The following PTGFRN variants were observed in gnomAD, a reference collection of about 807,000 sequenced individuals.
The protein encoded by PTGFRN is prostaglandin F2 receptor negative regulator.
Under a neutral mutation model 83.2 loss-of-function variants are expected in PTGFRN, and 35 were observed. That is an observed-to-expected ratio of 0.42 (90% CI 0.32 to 0.56). The LOEUF (loss-of-function observed/expected upper bound fraction) is 0.56. Among genes scored for constraint, PTGFRN ranks in the 20% least tolerant of loss-of-function variants. The pLI is 0.11. For missense variants in PTGFRN, 1,051 were observed against 1,179.5 expected, an observed-to-expected ratio of 0.89 and a Z score of 1.60; for synonymous variants, 519 against 498.6, an observed-to-expected ratio of 1.04 and a Z score of -0.55.
intron 1 of PTGFRN, among the ~76,000 whole-genome samples, chr1:116,912,705 G>A (rs1359498214): frequency 6.6e-6 from 1 of 152,088 alleles, no homozygotes; most frequent in African/African-American, 2.4e-5. Context: ...TGTTCTCACT[G>A]TGTCCTTATG....
At chr1:116,920,168 C>T (rs1260553135) in intron 1 of PTGFRN, among the ~76,000 whole-genome samples, 1 of 152,230 alleles carries the variant, frequency 6.6e-6, no homozygotes, top group East Asian at 1.9e-4. Flanking sequence ...TTGTTCGGTC[C>T]TTGTGTAGGC....
chr1:116,944,724 C>CGAGCCT lies in PTGFRN; in HGVS notation c.472_477dup (p.Ser158_Leu159dup), dbSNP rs765593603. On this transcript the variant is annotated inframe_insertion, in exon 3 of 9. Transcript: ENST00000393203. Reference sequence around the variant, plus strand: ...GTGGGCCCCAGCGCGCGGCCCCCGCCGAGCCTGAGCCTGCGGGAGGGGGAG... The same window carrying CGAGCCT: ...GTGGGCCCCAGCGCGCGGCCCCCGCCGAGCCTGAGCCTGAGCCTGCGGGAGGGGGAG... 3.4e-6 allele frequency: 5 copies of CGAGCCT among 1,460,680 alleles called. No individual in the cohort carries two copies. The highest frequency in any genetic ancestry group is 5.5e-5 in the Admixed American group (2 of 36,100). 90.5% of individuals were successfully genotyped at this position (1,460,680 alleles called of 1,614,324 possible).
At chr1:116,925,966 A>C (rs1649647994) in intron 1 of PTGFRN, among the ~76,000 whole-genome samples, 1 of 152,218 alleles carries the variant, frequency 6.6e-6, no homozygotes, top group South Asian at 2.1e-4. Context: ...CAAACTGTTA[A>C]ACAACACTGT....
intron 2 of PTGFRN, among the ~76,000 whole-genome samples, chr1:116,944,450 G>C (rs1557964189): frequency 6.6e-6 from 1 of 152,312 alleles, no homozygotes; most frequent in East Asian, 1.9e-4. Flanking sequence ...CCCACAGGGA[G>C]TTTTTACCAC....
At chr1:116,946,527 G>A (rs1002801630) in intron 3 of PTGFRN, among the ~76,000 whole-genome samples, 4 of 152,160 alleles carry the variant, frequency 2.6e-5, no homozygotes, top group African/African-American at 9.7e-5. Context: ...GAAAGTTTAC[G>A]CTTTTTTGGA....
At chr1:116,937,001 G>T (rs1649937278) in intron 1 of PTGFRN, among the ~76,000 whole-genome samples, 1 of 152,184 alleles carries the variant, frequency 6.6e-6, no homozygotes, top group African/African-American at 2.4e-5. Context: ...AGAAAATTTG[G>T]CAGGAGCAAG....
chr1:116,976,365 A>T (rs890684856), intron 7 of PTGFRN, among the ~76,000 whole-genome samples: 4 of 152,190 alleles, frequency 2.6e-5, no homozygotes, highest in Non-Finnish European at 4.4e-5. Context: ...TTCAGGAAAT[A>T]CAGAGAACGC....
rs970469950 is a variant in PTGFRN at position 116,920,740 on chromosome 1, C to T, written c.49+10488C>T. Among the ~76,000 whole-genome samples the T allele has an allele frequency of 2.0e-5, 3 of 152,150 alleles. No individual in the cohort carries two copies. In the East Asian group the frequency reaches 5.8e-4, roughly 29 times the overall value. Reference sequence around the variant, plus strand: ...CCGGGTTCAAGCAATTCTCATGCCTCGGCCACCCAAGTAGCTGAAATTACA... The same window carrying T: ...CCGGGTTCAAGCAATTCTCATGCCTTGGCCACCCAAGTAGCTGAAATTACA... On this transcript the variant is annotated intron_variant, in intron 1 of 8. Transcript: ENST00000393203.
At chr1:116,911,377 C>T (rs1443310813) in intron 1 of PTGFRN, among the ~76,000 whole-genome samples, 1 of 152,208 alleles carries the variant, frequency 6.6e-6, no homozygotes, top group Non-Finnish European at 1.5e-5. Context: ...CACTTATGGT[C>T]AGAGGGTTCC....
Position 116,941,289 on chromosome 1 carries a change from A to G in PTGFRN, c.50-426A>G, listed in dbSNP as rs762847756. Among the ~76,000 whole-genome samples, 1 of 152,226 alleles carries G rather than the reference A, an allele frequency of 6.6e-6. No homozygotes were observed. The highest frequency in any genetic ancestry group is 2.4e-5 in the African/African-American group (1 of 41,460). On this transcript the variant is annotated intron_variant, in intron 1 of 8. Transcript: ENST00000393203. This position sits in a 1 kb window ranked among gnomAD's most constrained non-coding sequence, Gnocchi z 5.0. The stretch of plus-strand genomic sequence containing the variant: ...TTGTAAATCAGGTCTCAGGAGCCCC[A>G]GGGAATGGTCTCTAGGGATGAGGGC...
chr1:116,947,635 C>T (rs2101067183), intron 3 of PTGFRN, among the ~76,000 whole-genome samples: 1 of 152,306 alleles, frequency 6.6e-6, no homozygotes, highest in African/African-American at 2.4e-5. Flanking sequence ...TTGTTAAGTA[C>T]TTCGTCACTG....
chr1:116,963,642 C>G (rs762874630), intron 5 of PTGFRN, among the ~76,000 whole-genome samples: 2 of 152,126 alleles, frequency 1.3e-5, no homozygotes, highest in Non-Finnish European at 2.9e-5. Context: ...GTGTCTCACT[C>G]TGTTGCCCAG....
At chr1:116,954,728 C>G (rs1444657622) in intron 4 of PTGFRN, among the ~76,000 whole-genome samples, 2 of 152,082 alleles carry the variant, frequency 1.3e-5, no homozygotes. Flanking sequence ...CAAAGCCTGT[C>G]CTATAATTCT....
intron 8 of PTGFRN, among the ~76,000 whole-genome samples, chr1:116,986,361 T>C (rs1008679819): frequency 1.3e-5 from 2 of 152,240 alleles, no homozygotes; most frequent in Admixed American, 1.3e-4. Context: ...TTATTCACTT[T>C]GCTAGATAAT....
chr1:116,963,849 G>GC (rs1650743517), intron 5 of PTGFRN, among the ~76,000 whole-genome samples: 1 of 150,452 alleles, frequency 6.6e-6, no homozygotes, highest in African/African-American at 2.5e-5. Context: ...ATGGCTTATT[G>GC]TAGCTTCAGC....
intron 1 of PTGFRN, among the ~76,000 whole-genome samples, chr1:116,931,514 T>C (rs2101057538): frequency 6.6e-6 from 1 of 151,178 alleles, no homozygotes; most frequent in South Asian, 2.1e-4. Flanking sequence ...TTTTTTTTAA[T>C]GATTATAAGC....
At position 116,989,882 on chromosome 1, in the gene PTGFRN, C is replaced by T. The variant is rs1651664927; in HGVS notation, c.*2915C>T. On this transcript the variant is annotated 3_prime_UTR_variant, in exon 9 of 9. Transcript: ENST00000393203. ...TCCCTGAGATCTTGGTAGAGGAGGC[C>T]CCTCCTGCCCAGACCTTCGTTTGTT... is the stretch of plus-strand genomic sequence containing the variant. 6.6e-6 allele frequency: 1 copy of T among 152,590 alleles called. No homozygotes were observed. The highest frequency in any genetic ancestry group is 2.4e-5 in the African/African-American group (1 of 41,432). 9.5% of individuals were successfully genotyped at this position (152,590 alleles called of 1,614,324 possible).
At chr1:116,957,749 G>A (rs1405820889) in intron 4 of PTGFRN, among the ~76,000 whole-genome samples, 3 of 152,052 alleles carry the variant, frequency 2.0e-5, no homozygotes, top group African/African-American at 2.4e-5. Flanking sequence ...GAAATTTTGC[G>A]TCCTTTGCCT....
rs776628818 is a variant in PTGFRN, at chr1:116,984,673, T to A, written c.2168-7T>A. ...TGACCCCAGGGTTTTGGCTTGGTAATCCGTAGATGACATGGCCTTTGATGT... is the reference window on the plus strand; with the variant it reads ...TGACCCCAGGGTTTTGGCTTGGTAAACCGTAGATGACATGGCCTTTGATGT... On this transcript the variant is annotated splice_polypyrimidine_tract_variant and splice_region_variant and intron_variant, in intron 7 of 8. Coordinates refer to ENST00000393203, the MANE Select transcript of PTGFRN (RefSeq NM_020440.4). The A allele has an allele frequency of 1.2e-6, 2 of 1,611,496 alleles. No homozygotes were observed. Among genetic ancestry groups the A allele is most frequent in the Non-Finnish European group, 1.7e-6 (2 of 1,178,442 alleles).
Sources: gnomAD v4.1 joint callset for allele counts (sites outside exome capture counted in the v4.1 genomes callset) on GRCh38, gnomAD v4.1.1 for gene constraint, Gnocchi (gnomAD v3.1) non-coding constraint, MANE v1.5 for transcripts, NCBI Gene and HGNC (gene_info 2026-07-23, HGNC 2026-07-21) for gene names.